The following FHIT variants were observed in gnomAD, a reference collection of about 807,000 sequenced individuals.
The protein encoded by FHIT is fragile histidine triad diadenosine triphosphatase, also known as bis(5'-adenosyl)-triphosphatase.
FHIT carries 19 observed loss-of-function variants against 17.9 expected under a neutral mutation model. The observed-to-expected ratio is 1.06, with a 90% CI of 0.74 to 1.56. The LOEUF (loss-of-function observed/expected upper bound fraction) is 1.56, where lower values mean the gene tolerates loss of function less well. Among genes scored for constraint, FHIT ranks in the 40% most tolerant of loss-of-function variants. The pLI, the probability that FHIT is intolerant of heterozygous loss-of-function variation, is 0.00. For synonymous variants in FHIT, 81 were observed against 69.7 expected, an observed-to-expected ratio of 1.16 and a Z score of -0.81; for missense variants, 248 against 189.2, an observed-to-expected ratio of 1.31 and a Z score of -1.82.
chr3:60,357,144 A>C (rs1292327262), intron 5 of FHIT, among the ~76,000 whole-genome samples: 3 of 151,608 alleles, frequency 2.0e-5, no homozygotes, highest in Admixed American at 1.3e-4. Flanking sequence ...GTGATTAAGA[A>C]ACTCCGGATT....
At chr3:60,044,470 G>A (rs560356113) in intron 5 of FHIT, among the ~76,000 whole-genome samples, 5 of 152,222 alleles carry the variant, frequency 3.3e-5, no homozygotes, top group African/African-American at 4.8e-5. Context: ...AAAGCAAATC[G>A]TGTCCCTCAT....
intron 4 of FHIT, among the ~76,000 whole-genome samples, chr3:60,653,335 ATT>A (rs2040039216): frequency 6.6e-6 from 1 of 152,202 alleles, no homozygotes; most frequent in Non-Finnish European, 1.5e-5. Flanking sequence ...GCTCTTTGGA[ATT>A]TTATAAATGC....
chr3:60,968,462 G>T (rs1709853564), intron 3 of FHIT, among the ~76,000 whole-genome samples: 2 of 150,240 alleles, frequency 1.3e-5, no homozygotes, highest in South Asian at 2.1e-4. Context: ...CTGTCACTCA[G>T]GCTGGAGTGC....
At chr3:60,513,241 G>A (rs2035016379) in intron 5 of FHIT, among the ~76,000 whole-genome samples, 1 of 152,120 alleles carries the variant, frequency 6.6e-6, no homozygotes, top group Non-Finnish European at 1.5e-5. Flanking sequence ...GAGATAAACA[G>A]GTGATCACTG....
chr3:60,634,430 T>C (rs1553683260), intron 4 of FHIT, among the ~76,000 whole-genome samples: 5 of 152,250 alleles, frequency 3.3e-5, no homozygotes, highest in Admixed American at 6.5e-5. Context: ...GATTCTTTAA[T>C]AACTTCTGTA....
chr3:60,806,978 A>T (rs1701415447), intron 4 of FHIT, among the ~76,000 whole-genome samples: 1 of 152,194 alleles, frequency 6.6e-6, no homozygotes, highest in East Asian at 1.9e-4. Context: ...CACCTCCACC[A>T]TGACTTACCA....
At chr3:61,032,656 G>A (rs2033063065) in intron 3 of FHIT, among the ~76,000 whole-genome samples, 1 of 152,208 alleles carries the variant, frequency 6.6e-6, no homozygotes, top group Non-Finnish European at 1.5e-5. Context: ...GGGAAAAGAA[G>A]ATCCTCTCTG....
chr3:60,720,187 G>A (rs1010396013), intron 4 of FHIT, among the ~76,000 whole-genome samples: 3 of 151,942 alleles, frequency 2.0e-5, no homozygotes, highest in Non-Finnish European at 2.9e-5. Context: ...CCTCCTTCCC[G>A]ATACAGAATA....
chr3:60,162,958 G>T (rs1251220431), intron 5 of FHIT, among the ~76,000 whole-genome samples: 2 of 152,130 alleles, frequency 1.3e-5, no homozygotes, highest in Non-Finnish European at 2.9e-5. Context: ...TTCTTCCAGA[G>T]TACAGAGCAC....
At chr3:60,443,455 CTAAT>C (rs906484129) in intron 5 of FHIT, among the ~76,000 whole-genome samples, 1 of 152,108 alleles carries the variant, frequency 6.6e-6, no homozygotes, top group African/African-American at 2.4e-5. Flanking sequence ...CCATCAATAC[CTAAT>C]TTATTGAGAG....
chr3:60,003,687 A>G (rs1030993923), intron 7 of FHIT, among the ~76,000 whole-genome samples: 5 of 151,854 alleles, frequency 3.3e-5, no homozygotes, highest in African/African-American at 1.2e-4. Flanking sequence ...AGAGGTTTTA[A>G]TAAGCCGAGA....
At chr3:60,418,426 A>G (rs7632973) in intron 5 of FHIT, among the ~76,000 whole-genome samples, 1,834 of 15,086 alleles carry the variant, frequency 0.12, 187 homozygotes, top group South Asian at 0.28. Flanking sequence ...ATATATATAT[A>G]CGTGTATACA....
chr3:60,944,602 T>C (rs573245340), intron 3 of FHIT, among the ~76,000 whole-genome samples: 3 of 152,324 alleles, frequency 2.0e-5, no homozygotes, highest in East Asian at 3.9e-4. Context: ...TAAAAACTCA[T>C]AGTGTGGCAG....
chr3:60,621,511 G>T (rs1356311925), intron 4 of FHIT, among the ~76,000 whole-genome samples: 1 of 151,496 alleles, frequency 6.6e-6, no homozygotes, highest in East Asian at 1.9e-4. Context: ...AAACATAAAT[G>T]GAACATTTTA....
intron 5 of FHIT, among the ~76,000 whole-genome samples, chr3:60,047,207 A>T (rs979996621): frequency 6.6e-6 from 1 of 152,216 alleles, no homozygotes; most frequent in Non-Finnish European, 1.5e-5. Context: ...TCCTCAATTC[A>T]TTCTAGCAGG....
chr3:60,401,867 A>G (rs1024764369), intron 5 of FHIT, among the ~76,000 whole-genome samples: 9 of 152,134 alleles, frequency 5.9e-5, no homozygotes, highest in African/African-American at 2.2e-4. Flanking sequence ...TGGTCCTTAC[A>G]AGCCCTACTT....
At chr3:60,769,749 G>C (rs188866225) in intron 4 of FHIT, among the ~76,000 whole-genome samples, 46 of 152,278 alleles carry the variant, frequency 3.0e-4, no homozygotes, top group Non-Finnish European at 4.7e-4. Context: ...ATGGCCGCTG[G>C]GATTGGCCAA....
rs112145206 is a variant in FHIT at position 61,019,626 on chromosome 3, G to A, written c.-111+22421C>T. Among the ~76,000 whole-genome samples, 10 of 152,200 alleles carry A rather than the reference G, an allele frequency of 6.6e-5. No individual in the cohort carries two copies. The East Asian group carries it at 7.7e-4, about 12-fold the overall frequency. On this transcript the variant is annotated intron_variant, in intron 3 of 9. Coordinates refer to ENST00000492590, the MANE Select transcript of FHIT (RefSeq NM_002012.4). ...ACATTCATACTCTGTGTAATATAAC[G>A]CTATATAGCACACTTAGCTCTCTTT...
intron 8 of FHIT, among the ~76,000 whole-genome samples, chr3:59,800,834 G>C (rs908618362): frequency 3.3e-5 from 5 of 152,166 alleles, no homozygotes; most frequent in Admixed American, 6.5e-5. Context: ...GAGTGCAGGA[G>C]GGGGAGAGAA....
Sources: gnomAD v4.1 joint callset for allele counts (sites outside exome capture counted in the v4.1 genomes callset) on GRCh38, gnomAD v4.1.1 for gene constraint, MANE v1.5 for transcripts, NCBI Gene and HGNC (gene_info 2026-07-23, HGNC 2026-07-21) for gene names.